The following NPAS2 variants were observed in gnomAD, a reference collection of about 807,000 sequenced individuals.
The protein encoded by NPAS2 is neuronal PAS domain-containing protein 2.
Under a neutral mutation model 107.5 loss-of-function variants are expected in NPAS2, and 23 were observed. The observed-to-expected ratio is 0.21, with a 90% CI of 0.15 to 0.30. NPAS2 has a LOEUF of 0.30. Ranked by LOEUF, NPAS2 falls within the 10% of genes least tolerant of loss-of-function variation. The pLI is 1.00. For missense variants in NPAS2, 756 were observed against 1,043.3 expected, an observed-to-expected ratio of 0.72 and a Z score of 3.79; for synonymous variants, 403 against 417.5, an observed-to-expected ratio of 0.97 and a Z score of 0.42.
intron 19 of NPAS2, among the ~76,000 whole-genome samples, chr2:100,992,825 G>C (rs933594257): frequency 6.6e-5 from 10 of 152,064 alleles, no homozygotes; most frequent in Non-Finnish European, 1.2e-4. Context: ...TTCTGTTATC[G>C]GTCTCTTATT....
At chr2:100,971,542 A>G (rs1676563442) in intron 12 of NPAS2, among the ~76,000 whole-genome samples, 2 of 152,042 alleles carry the variant, frequency 1.3e-5, no homozygotes, top group African/African-American at 2.4e-5. Context: ...CAGGCACCCT[A>G]TGGGGAGACT....
At chr2:100,833,074 C>T (rs1676844170) in intron 1 of NPAS2, among the ~76,000 whole-genome samples, 1 of 152,176 alleles carries the variant, frequency 6.6e-6, no homozygotes, top group Admixed American at 6.5e-5. Context: ...ATTCAGCCTG[C>T]ACCGTGGGTG....
rs745425703 is a variant in NPAS2 at position 100,982,263 on chromosome 2, C to T, written c.1515C>T (p.Ile505=). ...CACAGTTCAGCATGTTCCAGACCAT[C>T]AAAGACCAGCTAGAGCAGCGGACGC... The part of the protein sequence containing the change: ...FSAQFSMFQT[I]KDQLEQRTRI... Residue 505 remains isoleucine (I), a synonymous_variant, in exon 16 of 21, where the codon ATC becomes ATT. Coordinates refer to ENST00000335681, the MANE Select transcript of NPAS2 (RefSeq NM_002518.4). The T allele has an allele frequency of 1.2e-6, 2 of 1,614,252 alleles. No individual in the cohort carries two copies. The highest frequency in any genetic ancestry group is 1.3e-5 in the African/African-American group (1 of 75,066).
At chr2:100,978,296 A>C (rs991388749) in intron 15 of NPAS2, among the ~76,000 whole-genome samples, 1 of 151,894 alleles carries the variant, frequency 6.6e-6, no homozygotes, top group South Asian at 2.1e-4. Context: ...TAGAATAATG[A>C]CCTCCAGCTC....
chr2:100,949,336 T>A, intron 6 of NPAS2, 31 bp from the exon 7 acceptor site: 1 of 1,319,344 alleles, frequency 7.6e-7, no homozygotes, highest in Non-Finnish European at 1.1e-6. Context: ...TCACGACCCC[T>A]TTCTCTCCTC....
In NPAS2 at chr2:100,825,716, T is replaced by C. The variant is rs10190559; in HGVS notation, c.-23+5302T>C. Among the ~76,000 whole-genome samples the C allele has an allele frequency of 8.5e-3, 1,298 of 152,122 alleles. 12 individuals carry two copies. Among genetic ancestry groups the C allele is most frequent in the African/African-American group, 0.03 (1,237 of 41,490 alleles). ...TGTTCTAGCCAATAAAATGTGAGGG[T>C]GGGCCACTGGGAGGCTTCTGGGAAA... On this transcript the variant is annotated intron_variant, in intron 1 of 20. Transcript: ENST00000335681.
intron 1 of NPAS2, among the ~76,000 whole-genome samples, chr2:100,840,144 A>G (rs1024257724): frequency 1.3e-5 from 2 of 152,030 alleles, no homozygotes; most frequent in African/African-American, 4.8e-5. Flanking sequence ...TTGCTTGCCA[A>G]TTCTTGTTCA....
intron 1 of NPAS2, among the ~76,000 whole-genome samples, chr2:100,867,629 C>A (rs1679336569): frequency 2.0e-5 from 3 of 152,196 alleles, no homozygotes; most frequent in African/African-American, 7.2e-5. Flanking sequence ...TTTAAAACAT[C>A]CTGTGTGATG....
intron 16 of NPAS2, chr2:100,983,345 T>C (rs1573795324): frequency 6.6e-6 from 1 of 152,320 alleles, no homozygotes. Flanking sequence ...CGTGAGCCGG[T>C]GCACGCTGAG....
At chr2:100,930,932 T>C (rs535449274) in intron 3 of NPAS2, among the ~76,000 whole-genome samples, 2 of 152,310 alleles carry the variant, frequency 1.3e-5, no homozygotes, top group South Asian at 2.1e-4. Context: ...AGTGTGCATA[T>C]TGGGGAGAAG....
chr2:100,861,011 G>GGTAC (rs1678907701), intron 1 of NPAS2, among the ~76,000 whole-genome samples: 1 of 151,702 alleles, frequency 6.6e-6, no homozygotes, highest in Non-Finnish European at 1.5e-5. Flanking sequence ...ATTCCCTACA[G>GGTAC]GTACACACCA....
chr2:100,914,956 C>CT (rs1682778892), intron 2 of NPAS2, among the ~76,000 whole-genome samples: 2 of 152,214 alleles, frequency 1.3e-5, no homozygotes, highest in South Asian at 4.2e-4. Context: ...CTAGCCTAGA[C>CT]TCAATGCAGC....
intron 1 of NPAS2, among the ~76,000 whole-genome samples, chr2:100,887,285 G>A (rs1281682421): frequency 6.6e-6 from 1 of 152,210 alleles, no homozygotes; most frequent in Non-Finnish European, 1.5e-5. Flanking sequence ...GGCCAGAAGT[G>A]GAAGCCTTTC....
chr2:100,902,405 A>AGT (rs1196536786), intron 1 of NPAS2, among the ~76,000 whole-genome samples: 2 of 152,164 alleles, frequency 1.3e-5, no homozygotes, highest in African/African-American at 4.8e-5. Context: ...AAGGAAGGAG[A>AGT]GTGTGACCCA....
chr2:100,915,313 G>A (rs1281652189), intron 2 of NPAS2, among the ~76,000 whole-genome samples: 1 of 152,186 alleles, frequency 6.6e-6, no homozygotes, highest in East Asian at 1.9e-4. Flanking sequence ...AAGCGCAGAT[G>A]TAGGTAGTAT....
intron 4 of NPAS2, among the ~76,000 whole-genome samples, chr2:100,935,818 G>A (rs1395389267): frequency 2.0e-5 from 3 of 152,110 alleles, no homozygotes; most frequent in Non-Finnish European, 4.4e-5. Flanking sequence ...AAATACCTGG[G>A]AAGGAAAAGT....
At chr2:100,885,239 C>A (rs113815678) in intron 1 of NPAS2, among the ~76,000 whole-genome samples, 1 of 152,094 alleles carries the variant, frequency 6.6e-6, no homozygotes, top group African/African-American at 2.4e-5. Context: ...CGTGAGCCAC[C>A]GCGCCCAGCC....
intron 1 of NPAS2, among the ~76,000 whole-genome samples, chr2:100,861,014 A>T (rs1381377041): frequency 2.0e-5 from 3 of 150,960 alleles, no homozygotes; most frequent in Non-Finnish European, 2.9e-5. Flanking sequence ...CCCTACAGGT[A>T]CACACCACCA....
At chr2:100,944,883 C>T (rs1674793676) in intron 5 of NPAS2, among the ~76,000 whole-genome samples, 1 of 152,166 alleles carries the variant, frequency 6.6e-6, no homozygotes, top group African/African-American at 2.4e-5. Flanking sequence ...GGCCAGGCAG[C>T]CACTCAGCCT....
Sources: allele counts gnomAD v4.1 joint callset (sites outside exome capture counted in the v4.1 genomes callset), GRCh38; gene constraint gnomAD v4.1.1; transcripts MANE v1.5; gene names NCBI Gene and HGNC (gene_info 2026-07-23, HGNC 2026-07-21).